Variants in PIEZO2 observed in about 807,000 individuals in gnomAD.
PIEZO2 encodes the protein piezo-type mechanosensitive ion channel component 2.
A neutral mutation model predicts 337.3 loss-of-function variants in PIEZO2; 172 were observed. The observed-to-expected ratio is 0.51, with a 90% CI of 0.45 to 0.58. The LOEUF (loss-of-function observed/expected upper bound fraction) is 0.58. Among genes scored for constraint, PIEZO2 ranks in the 20% least tolerant of loss-of-function variants. The pLI, the probability that PIEZO2 is intolerant of heterozygous loss-of-function variation, is 0.00. For missense variants in PIEZO2, 3,028 were observed against 3,391.3 expected (o/e 0.89, Z 2.66); for synonymous variants, 1,251 against 1,228.5 (o/e 1.02, Z -0.38).
chr18:10,864,311 C>A (rs758015530), intron 5 of PIEZO2, among the ~76,000 whole-genome samples: 1 of 152,090 alleles, frequency 6.6e-6, no homozygotes, highest in Admixed American at 6.5e-5. Flanking sequence ...GGTGGGATAA[C>A]AAATGAAAAT....
chr18:10,691,394 A>C lies in PIEZO2; in HGVS notation c.7191-11T>G. ...TTCTGGCTGAATTTCCTAAAATGTA[A>C]AAGTACAGAAAGTGAAGCAATGAAA... On this transcript the variant is annotated splice_polypyrimidine_tract_variant and intron_variant, in intron 47 of 55. Transcript: ENST00000674853. The C allele has an allele frequency of 6.2e-7, 1 of 1,609,256 alleles. No homozygotes were observed. The highest frequency in any genetic ancestry group is 8.5e-7 in the Non-Finnish European group (1 of 1,177,186).
At chr18:10,731,865 G>T (rs556754618) in intron 35 of PIEZO2, among the ~76,000 whole-genome samples, 9 of 152,140 alleles carry the variant, frequency 5.9e-5, no homozygotes, top group Non-Finnish European at 1.0e-4. Flanking sequence ...GTCTCATTCA[G>T]TATCAGTACT....
Position 11,132,871 on chromosome 18 carries a change from A to G in PIEZO2, c.64+15654T>C, listed in dbSNP as rs1043500833. ...ATCCATTAGGGCGTCTCTTAGTATT[A>G]CCATGCTCTGTGATTAAGGTCAATG... On this transcript the variant is annotated intron_variant, in intron 1 of 55. Transcript: ENST00000674853. The surrounding 1 kb of genome is among the most constrained non-coding windows in gnomAD (Gnocchi z 4.7). Among the ~76,000 whole-genome samples, 6 of 152,156 alleles carry G rather than the reference A, an allele frequency of 3.9e-5. No homozygotes were observed. Among genetic ancestry groups the G allele is most frequent in the African/African-American group, 1.4e-4 (6 of 41,428 alleles).
In PIEZO2 at chr18:10,855,192, T is replaced by A. The variant is rs890818420; in HGVS notation, c.917+161A>T. 6.6e-6 allele frequency among the ~76,000 whole-genome samples: 1 copy of A among 152,090 alleles called. No homozygotes were observed. The highest frequency in any genetic ancestry group is 2.4e-5 in the African/African-American group (1 of 41,418). ...TTCCAGACTGTGTCATCCAATACAA[T>A]GAAAGTGCTAGACTGCTTCACCCAC... On this transcript the variant is annotated intron_variant, in intron 7 of 55. Transcript: ENST00000674853. This position sits in a 1 kb window ranked among gnomAD's most constrained non-coding sequence, Gnocchi z 4.9.
At chr18:11,086,438 G>A (rs1598937283) in intron 1 of PIEZO2, among the ~76,000 whole-genome samples, 1 of 151,250 alleles carries the variant, frequency 6.6e-6, no homozygotes. Flanking sequence ...AGAATGGCCT[G>A]AACCCGGGAG....
chr18:10,967,069 G>A (rs1238128898), intron 3 of PIEZO2, among the ~76,000 whole-genome samples: 1 of 135,942 alleles, frequency 7.4e-6, no homozygotes, highest in African/African-American at 2.9e-5. Context: ...CCAGGCTCAA[G>A]TGCAGTGGTG....
At chr18:10,706,280 T>G (rs1269042682) in intron 40 of PIEZO2, among the ~76,000 whole-genome samples, 1 of 152,224 alleles carries the variant, frequency 6.6e-6, no homozygotes, top group African/African-American at 2.4e-5. Context: ...ACTGTGTGCT[T>G]GATAAAAAAT....
At chr18:11,057,651 A>C (rs1249788776) in intron 2 of PIEZO2, among the ~76,000 whole-genome samples, 1 of 152,166 alleles carries the variant, frequency 6.6e-6, no homozygotes, top group African/African-American at 2.4e-5. Flanking sequence ...ATTAATATCT[A>C]AGAAGAAACC....
rs1246106951 is a variant in PIEZO2 at position 11,148,432 on chromosome 18, G to T, written c.64+93C>A. On this transcript the variant is annotated intron_variant, in intron 1 of 55. Coordinates refer to ENST00000674853, the MANE Select transcript of PIEZO2 (RefSeq NM_001378183.1). The surrounding 1 kb of genome is among the most constrained non-coding windows in gnomAD (Gnocchi z 5.2). ...CGCTGGCCTCCCGAATCGAACCCCAGAGCACCAGAGCCCTTCACTTTGTTA... is the reference window on the plus strand; with the variant it reads ...CGCTGGCCTCCCGAATCGAACCCCATAGCACCAGAGCCCTTCACTTTGTTA... 11 of 1,396,888 alleles carry T rather than the reference G, an allele frequency of 7.9e-6. No homozygotes were observed. The highest frequency in any genetic ancestry group is 1.1e-5 in the Non-Finnish European group (11 of 1,023,486). The allele number at this position is 1,396,888 out of a possible 1,614,324, so 86.5% of individuals were successfully genotyped here. A position where few individuals can be genotyped will look rare whatever the true frequency, so the allele number is the denominator to read the frequency against.
intron 1 of PIEZO2, among the ~76,000 whole-genome samples, chr18:11,142,474 C>T (rs928912520): frequency 1.3e-5 from 2 of 152,266 alleles, no homozygotes; most frequent in Admixed American, 1.3e-4. Context: ...CGACTGACAG[C>T]CAAACATTTA....
intron 3 of PIEZO2, among the ~76,000 whole-genome samples, chr18:10,934,683 T>TGTGTGTGTGTGTGTGTG (rs1440882136): frequency 6.2e-5 from 5 of 80,462 alleles, no homozygotes; most frequent in Non-Finnish European, 7.6e-5. Flanking sequence ...GTGTGTGTGT[T>TGTGTGTGTGTGTGTGTG]GGGCTCCTTG....
In PIEZO2 at chr18:11,092,086, G is replaced by A. The variant is rs370536435; in HGVS notation, c.65-25864C>T. On this transcript the variant is annotated intron_variant, in intron 1 of 55. Coordinates refer to ENST00000674853, the MANE Select transcript of PIEZO2 (RefSeq NM_001378183.1). This position sits in a 1 kb window ranked among gnomAD's most constrained non-coding sequence, Gnocchi z 4.5. Reference sequence around the variant, plus strand: ...GCAAGGCTTAATTTCACTCAGAGAGGTGGCTAAAAGGGTATTTTTTGAAAG... The same window carrying A: ...GCAAGGCTTAATTTCACTCAGAGAGATGGCTAAAAGGGTATTTTTTGAAAG... Among the ~76,000 whole-genome samples, 50 of 152,332 alleles carry A rather than the reference G, an allele frequency of 3.3e-4. No individual in the cohort carries two copies. Among genetic ancestry groups the A allele is most frequent in the African/African-American group, 1.2e-3 (48 of 41,580 alleles).
chr18:10,963,007 C>T (rs538147051), intron 3 of PIEZO2, among the ~76,000 whole-genome samples: 5 of 152,256 alleles, frequency 3.3e-5, no homozygotes, highest in Non-Finnish European at 7.4e-5. Flanking sequence ...AAATATCTGG[C>T]CTGGTATGGT....
chr18:11,014,356 C>T (rs1380504093), intron 2 of PIEZO2, among the ~76,000 whole-genome samples: 1 of 141,436 alleles, frequency 7.1e-6, no homozygotes, highest in Non-Finnish European at 1.5e-5. Context: ...GGGCACGTCA[C>T]CCTGGACAGG....
chr18:11,048,828 G>A lies in PIEZO2; in HGVS notation c.160+17299C>T, dbSNP rs774893154. Among the ~76,000 whole-genome samples the A allele has an allele frequency of 9.2e-5, 14 of 152,126 alleles. No individual in the cohort carries two copies. Among genetic ancestry groups the A allele is most frequent in the Non-Finnish European group, 1.9e-4 (13 of 68,014 alleles). Reference sequence around the variant, plus strand: ...GTTGCCTGGCATATAGCTATACTGTGTTTCCTGTTTATTCTTCTTATAATT... The same window carrying A: ...GTTGCCTGGCATATAGCTATACTGTATTTCCTGTTTATTCTTCTTATAATT... On this transcript the variant is annotated intron_variant, in intron 2 of 55. Transcript: ENST00000674853. The surrounding 1 kb of genome is among the most constrained non-coding windows in gnomAD (Gnocchi z 4.5).
At chr18:10,698,565 A>T (rs940027283) in intron 44 of PIEZO2, among the ~76,000 whole-genome samples, 6 of 152,230 alleles carry the variant, frequency 3.9e-5, no homozygotes, top group African/African-American at 1.4e-4. Context: ...AAATATGTTT[A>T]AAAAATACAT....
At chr18:10,968,769 C>T (rs987421383) in intron 3 of PIEZO2, among the ~76,000 whole-genome samples, 1 of 152,186 alleles carries the variant, frequency 6.6e-6, no homozygotes, top group Non-Finnish European at 1.5e-5. Flanking sequence ...TTTACATTAA[C>T]GTTTGATATA....
chr18:10,736,582 A>T, intron 34 of PIEZO2, 22 bp downstream of exon 34: 4 of 1,536,804 alleles, frequency 2.6e-6, no homozygotes. Context: ...ACTAGCAAAG[A>T]AATGATTTTC....
chr18:10,930,095 A>T (rs1026481827), intron 3 of PIEZO2, among the ~76,000 whole-genome samples: 3 of 152,218 alleles, frequency 2.0e-5, no homozygotes, highest in African/African-American at 7.2e-5. Context: ...GCCTTGAGGT[A>T]CATCTAAGTA....
Sources: allele counts gnomAD v4.1 joint callset (sites outside exome capture counted in the v4.1 genomes callset), GRCh38; gene constraint gnomAD v4.1.1; non-coding constraint Gnocchi (gnomAD v3.1); transcripts MANE v1.5; gene names NCBI Gene and HGNC (gene_info 2026-07-23, HGNC 2026-07-21).